The following SRBD1 variants were observed in gnomAD, a reference collection of about 807,000 sequenced individuals.
SRBD1 encodes the protein S1 RNA binding domain 1, also known as S1 RNA-binding domain-containing protein 1.
SRBD1 carries 88 observed loss-of-function variants against 115.3 expected under a neutral mutation model. The ratio of observed to expected loss-of-function variants is 0.76; its 90% confidence interval spans 0.64 to 0.91. The LOEUF is 0.91. Among genes scored for constraint, SRBD1 ranks in the 40% least tolerant of loss-of-function variants. SRBD1 has a pLI of 0.00. For missense variants in SRBD1, 1,385 were observed against 1,177.4 expected, an observed-to-expected ratio of 1.18 and a Z score of -2.58; for synonymous variants, 509 against 407.7, an observed-to-expected ratio of 1.25 and a Z score of -2.99.
chr2:45,395,150 G>C (rs185774674), intron 19 of SRBD1, among the ~76,000 whole-genome samples: 39 of 152,262 alleles, frequency 2.6e-4, no homozygotes, highest in South Asian at 1.0e-3. Flanking sequence ...TCACCTTCTT[G>C]GTTTTATTGG....
In SRBD1 at chr2:45,389,550, C is replaced by A. The variant is rs767990580; in HGVS notation, c.2748G>T (p.Leu916=). 1 of 1,613,888 alleles carries A rather than the reference C, an allele frequency of 6.2e-7. No homozygotes were observed. Among genetic ancestry groups the A allele is most frequent in the African/African-American group, 1.3e-5 (1 of 74,936 alleles). Residue 916 remains leucine, a synonymous_variant, in exon 21 of 21, where the codon CTG becomes CTT. Coordinates refer to ENST00000263736, the MANE Select transcript of SRBD1 (RefSeq NM_018079.5). ...TGCCTGTAAGAACTGTCCCAATCTG[C>A]AGATCTTCCAGGCATACTATGCTTC... ...FKRSIVCLED[L]QIGTVLTGKV...
chr2:45,397,801 G>A (rs963040875), intron 19 of SRBD1, among the ~76,000 whole-genome samples: 1 of 152,122 alleles, frequency 6.6e-6, no homozygotes, highest in Non-Finnish European at 1.5e-5. Context: ...GTCTCAATAT[G>A]TTGCCCAGGC....
At chr2:45,500,150 C>G (rs1232146325) in intron 14 of SRBD1, among the ~76,000 whole-genome samples, 1 of 151,948 alleles carries the variant, frequency 6.6e-6, no homozygotes, top group East Asian at 1.9e-4. Context: ...TTCCAACTTT[C>G]CATCCTCTTT....
chr2:45,579,562 T>C (rs1460757386), intron 7 of SRBD1, among the ~76,000 whole-genome samples: 1 of 151,480 alleles, frequency 6.6e-6, no homozygotes, highest in Non-Finnish European at 1.5e-5. Flanking sequence ...ATAAAGAAAG[T>C]GAAAAGACAA....
intron 16 of SRBD1, among the ~76,000 whole-genome samples, chr2:45,448,845 T>G (rs1424771172): frequency 6.6e-6 from 1 of 152,194 alleles, no homozygotes; most frequent in Admixed American, 6.5e-5. Flanking sequence ...AGTTACATGT[T>G]TTAATTACAG....
intron 14 of SRBD1, among the ~76,000 whole-genome samples, chr2:45,491,330 A>G (rs1422250977): frequency 6.6e-6 from 1 of 152,202 alleles, no homozygotes; most frequent in Non-Finnish European, 1.5e-5. Flanking sequence ...TACATTTCAC[A>G]AAACAAATTT....
At chr2:45,436,215 C>G (rs1572638842) in intron 16 of SRBD1, among the ~76,000 whole-genome samples, 1 of 152,098 alleles carries the variant, frequency 6.6e-6, no homozygotes, top group Admixed American at 6.6e-5. Flanking sequence ...AACACTCATT[C>G]ATGATAAAAA....
At chr2:45,462,313 T>A (rs545109050) in intron 16 of SRBD1, among the ~76,000 whole-genome samples, 2 of 152,340 alleles carry the variant, frequency 1.3e-5, no homozygotes, top group East Asian at 3.9e-4. Flanking sequence ...ATGGCTGTTA[T>A]GACATAATCA....
At chr2:45,442,959 A>G (rs78502706) in intron 16 of SRBD1, among the ~76,000 whole-genome samples, 2,193 of 152,282 alleles carry the variant, frequency 0.014, 58 homozygotes, top group African/African-American at 0.048. Flanking sequence ...GGCCACACGT[A>G]GTAACAAGCT....
intron 19 of SRBD1, among the ~76,000 whole-genome samples, chr2:45,406,273 TACAGAG>T (rs932511016): frequency 4.6e-5 from 7 of 151,428 alleles, no homozygotes; most frequent in African/African-American, 1.5e-4. Context: ...GGAGTAAAAA[TACAGAG>T]ACAATCTGAA....
intron 14 of SRBD1, among the ~76,000 whole-genome samples, chr2:45,503,829 G>A (rs1050239756): frequency 1.6e-4 from 25 of 152,132 alleles, no homozygotes; most frequent in Admixed American, 5.9e-4. Context: ...ATCCAAAGAG[G>A]AGGAGGCTTA....
chr2:45,487,888 G>A (rs1234324091), intron 15 of SRBD1, among the ~76,000 whole-genome samples: 6 of 151,820 alleles, frequency 4.0e-5, no homozygotes, highest in African/African-American at 7.3e-5. Flanking sequence ...TCCTGACCTC[G>A]TGATCCACCT....
chr2:45,537,718 C>T (rs1671808180), intron 14 of SRBD1, among the ~76,000 whole-genome samples: 2 of 152,092 alleles, frequency 1.3e-5, no homozygotes, highest in Non-Finnish European at 2.9e-5. Flanking sequence ...CTCAACATTT[C>T]ACATAGAAGA....
chr2:45,457,412 A>G (rs759096461), intron 16 of SRBD1, among the ~76,000 whole-genome samples: 3 of 152,012 alleles, frequency 2.0e-5, no homozygotes, highest in Non-Finnish European at 4.4e-5. Context: ...CTAGGACAAC[A>G]GATTTTGGCC....
At chr2:45,607,701 A>C (rs1674316145) in intron 1 of SRBD1, among the ~76,000 whole-genome samples, 1 of 152,208 alleles carries the variant, frequency 6.6e-6, no homozygotes, top group Non-Finnish European at 1.5e-5. Flanking sequence ...GGCTGTGTAT[A>C]AACTGACAAA....
intron 19 of SRBD1, among the ~76,000 whole-genome samples, chr2:45,399,493 A>G (rs1218083171): frequency 6.6e-6 from 1 of 152,142 alleles, no homozygotes; most frequent in Admixed American, 6.6e-5. Flanking sequence ...TTGTGAATGT[A>G]GATTTGCTGA....
At chr2:45,587,367 T>G (rs1011209628) in intron 4 of SRBD1, among the ~76,000 whole-genome samples, 1 of 151,276 alleles carries the variant, frequency 6.6e-6, no homozygotes, top group Non-Finnish European at 1.5e-5. Context: ...TTTAGCAAAA[T>G]GTACAGTTAA....
rs141632074 is a variant in SRBD1, at chr2:45,584,969, G to A, written c.815+639C>T. 3.3e-3 allele frequency among the ~76,000 whole-genome samples: 508 copies of A among 152,204 alleles called. 1 individual carries two copies. Among genetic ancestry groups the A allele is most frequent in the African/African-American group, 0.011 (476 of 41,524 alleles). ...AGTTCAAAATCAGCCTGGCCAACAT[G>A]GCAAAACCCTGTCTCTACTAAAAAT... On this transcript the variant is annotated intron_variant, in intron 5 of 20. Transcript: ENST00000263736.
intron 14 of SRBD1, among the ~76,000 whole-genome samples, chr2:45,534,803 T>C (rs1472463083): frequency 6.6e-6 from 1 of 151,972 alleles, no homozygotes; most frequent in Non-Finnish European, 1.5e-5. Context: ...TCTTAAGTTA[T>C]ATAGCTAAGT....
Sources: gnomAD v4.1 joint callset for allele counts (sites outside exome capture counted in the v4.1 genomes callset) on GRCh38, gnomAD v4.1.1 for gene constraint, MANE v1.5 for transcripts, NCBI Gene and HGNC (gene_info 2026-07-23, HGNC 2026-07-21) for gene names.